Variants in FMN1 observed in about 807,000 individuals in gnomAD.
FMN1 encodes formin-1.
A neutral mutation model predicts 132.4 loss-of-function variants in FMN1; 110 were observed. The observed-to-expected ratio is 0.83, with a 90% CI of 0.71 to 0.97. FMN1 has a LOEUF of 0.97. Among genes scored for constraint, FMN1 ranks in the 50% least tolerant of loss-of-function variants. The pLI is 0.00. For synonymous variants in FMN1, 722 were observed against 651.7 expected, an observed-to-expected ratio of 1.11 and a Z score of -1.64; for missense variants, 1,792 against 1,705.3, an observed-to-expected ratio of 1.05 and a Z score of -0.90.
At chr15:32,994,123 T>G (rs1166228666) in intron 7 of FMN1, among the ~76,000 whole-genome samples, 1 of 151,984 alleles carries the variant, frequency 6.6e-6, no homozygotes, top group Non-Finnish European at 1.5e-5. Context: ...TATTAACATA[T>G]CAATTTGTGC....
At chr15:32,888,686 G>T (rs949948490) in intron 15 of FMN1, among the ~76,000 whole-genome samples, 3 of 152,128 alleles carry the variant, frequency 2.0e-5, no homozygotes, top group Admixed American at 2.0e-4. Context: ...AGTCATCTTT[G>T]GGGCATACCA....
At position 33,103,411 on chromosome 15, in the gene FMN1, C is replaced by CA. The variant is rs1301942115; in HGVS notation, c.1868-14438dup. ...AAGAGTTAATATTATACAATGGACTCAGAGCAGTGCCTGGCACCTATAGTA... is the reference window on the plus strand; with the variant it reads ...AAGAGTTAATATTATACAATGGACTCAAGAGCAGTGCCTGGCACCTATAGTA... On this transcript the variant is annotated intron_variant, in intron 4 of 20. Coordinates refer to ENST00000616417, the MANE Select transcript of FMN1 (RefSeq NM_001277313.2). Among the ~76,000 whole-genome samples, 5 of 152,184 alleles carry CA rather than the reference C, an allele frequency of 3.3e-5. No homozygotes were observed. The East Asian group carries it at 9.7e-4, about 29-fold the overall frequency.
At chr15:32,983,502 AC>A (rs2140791804) in intron 7 of FMN1, among the ~76,000 whole-genome samples, 1 of 152,344 alleles carries the variant, frequency 6.6e-6, no homozygotes, top group African/African-American at 2.4e-5. Context: ...TTTTTTTATT[AC>A]ATGTAAAATT....
At chr15:33,170,277 G>T (rs1965267906) in intron 3 of FMN1, among the ~76,000 whole-genome samples, 1 of 151,946 alleles carries the variant, frequency 6.6e-6, no homozygotes, top group Admixed American at 6.6e-5. Context: ...AACTCAAGAT[G>T]GATTAAAGAA....
At chr15:32,876,229 A>C (rs1288683043) in intron 16 of FMN1, among the ~76,000 whole-genome samples, 2 of 152,174 alleles carry the variant, frequency 1.3e-5, no homozygotes, top group Non-Finnish European at 2.9e-5. Context: ...CTTTTTATTG[A>C]AATTATGTAA....
chr15:32,902,973 C>A (rs2060333709), intron 12 of FMN1, among the ~76,000 whole-genome samples: 1 of 152,136 alleles, frequency 6.6e-6, no homozygotes, highest in Admixed American at 6.5e-5. Flanking sequence ...ACGTCATTAC[C>A]AAGGAATTTT....
rs200832343 is a variant in FMN1, at chr15:33,153,388, C to A, written c.1527G>T (p.Ser509=). 5 of 1,536,402 alleles carry A rather than the reference C, an allele frequency of 3.3e-6. No individual in the cohort carries two copies. The highest frequency in any genetic ancestry group is 4.4e-6 in the Non-Finnish European group (5 of 1,146,994). Residue 509 remains serine (S), a synonymous_variant, in exon 4 of 21, where the codon TCG becomes TCT. Coordinates refer to ENST00000616417, the MANE Select transcript of FMN1 (RefSeq NM_001277313.2). Reference sequence around the variant, plus strand: ...ACGTCTGTTTGTGTGTGCTGGACTGCGAGGCTGAATTATTAAACACCTTGC... The same window carrying A: ...ACGTCTGTTTGTGTGTGCTGGACTGAGAGGCTGAATTATTAAACACCTTGC... ...ALGKVFNNSA[S]QSSTHKQTSP...
At chr15:32,797,070 G>T (rs1373870166) in intron 19 of FMN1, among the ~76,000 whole-genome samples, 2 of 151,758 alleles carry the variant, frequency 1.3e-5, no homozygotes, top group African/African-American at 4.8e-5. Flanking sequence ...TGCCACAAAC[G>T]CCCGTGGCTG....
chr15:32,925,661 T>C (rs2060941636), intron 10 of FMN1, among the ~76,000 whole-genome samples: 1 of 152,186 alleles, frequency 6.6e-6, no homozygotes, highest in African/African-American at 2.4e-5. Context: ...AATTAATGAG[T>C]ATACAAACAA....
At chr15:32,989,157 C>A (rs567239904) in intron 7 of FMN1, among the ~76,000 whole-genome samples, 1 of 151,944 alleles carries the variant, frequency 6.6e-6, no homozygotes, top group Admixed American at 6.6e-5. Context: ...GAAAGGAAGA[C>A]CAACCAGTGA....
At chr15:32,831,894 A>G (rs146312509) in intron 17 of FMN1, among the ~76,000 whole-genome samples, 24 of 152,286 alleles carry the variant, frequency 1.6e-4, no homozygotes, top group African/African-American at 5.3e-4. Flanking sequence ...GTGGAGGTAG[A>G]AACTGGCACC....
At chr15:33,003,602 A>G (rs1566813708) in intron 7 of FMN1, among the ~76,000 whole-genome samples, 1 of 152,252 alleles carries the variant, frequency 6.6e-6, no homozygotes, top group Non-Finnish European at 1.5e-5. Flanking sequence ...CAATATCGTG[A>G]AAATGGCCAT....
At position 32,901,960 on chromosome 15, in the gene FMN1, C is replaced by A. The variant is rs982728012; in HGVS notation, c.3458G>T (p.Gly1153Val). 3 of 1,613,028 alleles carry A rather than the reference C, an allele frequency of 1.9e-6. No homozygotes were observed. The highest frequency in any genetic ancestry group is 2.5e-6 in the Non-Finnish European group (3 of 1,179,384). ...TACCTTTCTGTGCAAGGAGGTGATA[C>A]CCTCAGAAAAGACAGATCTGAAGAT... ...CIIFRSVFSE[G>V]ITSLHRKVEI... Residue 1153 changes from glycine to valine, a missense_variant, in exon 13 of 21, where the codon GGT becomes GTT. By Grantham distance (109) the Gly-to-Val change is moderately radical. Around this residue, in one of 3 missense-constraint regions of FMN1, gnomAD observed 1,150 missense variants for 1,043.1 expected, o/e 1.10. Transcript: ENST00000616417.
intron 6 of FMN1, among the ~76,000 whole-genome samples, chr15:33,054,042 A>G (rs945241480): frequency 6.6e-6 from 1 of 152,144 alleles, no homozygotes; most frequent in African/African-American, 2.4e-5. Flanking sequence ...GTGCTAAAAA[A>G]TCCAACCCTC....
chr15:32,993,541 G>A (rs1284125145), intron 7 of FMN1, among the ~76,000 whole-genome samples: 1 of 151,502 alleles, frequency 6.6e-6, no homozygotes, highest in Non-Finnish European at 1.5e-5. Context: ...TAAGAGAAGT[G>A]TATCCAGTTA....
intron 6 of FMN1, among the ~76,000 whole-genome samples, chr15:33,039,176 G>C (rs953478245): frequency 3.9e-5 from 6 of 152,250 alleles, no homozygotes; most frequent in Non-Finnish European, 8.8e-5. Context: ...ATTCAGAAAA[G>C]GTAATGGGAA....
intron 9 of FMN1, among the ~76,000 whole-genome samples, chr15:32,930,196 C>A (rs1224218225): frequency 2.6e-5 from 4 of 151,796 alleles, no homozygotes; most frequent in Admixed American, 6.6e-5. Flanking sequence ...ACCGTGTTAG[C>A]CAGAATGGTC....
intron 15 of FMN1, among the ~76,000 whole-genome samples, chr15:32,893,803 C>G (rs2060088928): frequency 6.6e-6 from 1 of 152,222 alleles, no homozygotes. Flanking sequence ...GAAGTTGATT[C>G]CACTGGGTTC....
At chr15:33,067,082 T>A in intron 5 of FMN1, 1 of 1,613,994 alleles carries the variant, frequency 6.2e-7, no homozygotes, top group Non-Finnish European at 8.5e-7. Flanking sequence ...GAATGACTTC[T>A]CTCCAGAGAC....
Sources: gnomAD v4.1 joint callset for allele counts (sites outside exome capture counted in the v4.1 genomes callset) on GRCh38, gnomAD v4.1.1 for gene constraint, gnomAD v4.1.1 regional missense constraint, MANE v1.5 for transcripts, NCBI Gene and HGNC (gene_info 2026-07-23, HGNC 2026-07-21) for gene names.